ADAR: variants seen among roughly 807,000 people sequenced by gnomAD.
The protein encoded by ADAR is adenosine deaminase RNA specific, also known as double-stranded RNA-specific adenosine deaminase.
In ADAR, 41 loss-of-function variants were observed where a neutral mutation model predicts 113.2. That is an observed-to-expected ratio of 0.36 (90% confidence interval 0.28 to 0.47). The LOEUF (loss-of-function observed/expected upper bound fraction) is 0.47. Ranked by LOEUF, ADAR falls within the 20% of genes least tolerant of loss-of-function variation. The pLI, the probability that ADAR is intolerant of heterozygous loss-of-function variation, is 1.00. For missense variants in ADAR, 1,242 were observed against 1,540.9 expected (o/e 0.81, Z 3.25); for synonymous variants, 605 against 572.6 (o/e 1.06, Z -0.81).
chr1:154,620,235 C>T (rs908719773), intron 1 of ADAR, among the ~76,000 whole-genome samples: 2 of 152,076 alleles, frequency 1.3e-5, no homozygotes, highest in African/African-American at 2.4e-5. Flanking sequence ...GATGAAACTC[C>T]GTCTCTATTA....
intron 11 of ADAR, among the ~76,000 whole-genome samples, chr1:154,586,758 G>T (rs1482738989): frequency 6.6e-6 from 1 of 152,164 alleles, no homozygotes; most frequent in African/African-American, 2.4e-5. Flanking sequence ...GACAGCTGGA[G>T]TAAGTGTTTC....
intron 3 of ADAR, 67 bp from the exon 4 acceptor site, chr1:154,598,043 A>C (rs898109397): frequency 1.9e-6 from 3 of 1,546,746 alleles, no homozygotes; most frequent in East Asian, 4.7e-5. Context: ...TCACAGAAGA[A>C]GGGATGGGGA....
At chr1:154,615,146 C>T (rs943785854) in intron 1 of ADAR, among the ~76,000 whole-genome samples, 2 of 152,210 alleles carry the variant, frequency 1.3e-5, no homozygotes, top group Non-Finnish European at 2.9e-5. Context: ...CCCAGTGATA[C>T]TGATTTCAGA....
chr1:154,598,595 A>C lies in ADAR; in HGVS notation c.1602-10T>G. 6.2e-7 allele frequency: 1 copy of C among 1,613,980 alleles called. No homozygotes were observed. Among genetic ancestry groups the C allele is most frequent in the Non-Finnish European group, 8.5e-7 (1 of 1,179,858 alleles). ...AACCTGGAATTTAAATCTTGACGGA[A>C]AGTGATTAGATGTGTGAACAGGAGT... On this transcript the variant is annotated splice_polypyrimidine_tract_variant and intron_variant, in intron 2 of 14. Transcript: ENST00000368474.
rs766724113 is a variant in ADAR, at chr1:154,601,729, C to A, written c.913G>T (p.Asp305Tyr). Residue 305 changes from aspartate (D) to tyrosine (Y), a missense_variant, in exon 2 of 15, where the codon GAC becomes TAC. Asp to Tyr is a radical substitution (Grantham distance 160). This residue lies in a region of ADAR where 462 missense variants were observed against 483.1 expected (regional missense o/e 0.96). Coordinates refer to ENST00000368474, the MANE Select transcript of ADAR (RefSeq NM_001111.5). The surrounding 1 kb of genome is among the most constrained non-coding windows in gnomAD (Gnocchi z 4.7). ...DMAEIKEKIC[D>Y]YLFNVSDSSA... The stretch of plus-strand genomic sequence containing the variant: ...GAGTCAGACACATTGAAGAGATAGT[C>A]GCAGATTTTCTCCTTGATCTCGGCC... 6.2e-7 allele frequency: 1 copy of A among 1,614,184 alleles called. No homozygotes were observed. The highest frequency in any genetic ancestry group is 8.5e-7 in the Non-Finnish European group (1 of 1,180,042).
Position 154,600,971 on chromosome 1 carries a change from A to C in ADAR, c.1601+70T>G. On this transcript the variant is annotated intron_variant, in intron 2 of 14. Transcript: ENST00000368474. ...CACCAAACAGCACTGCTCACAAATCAGCCAAGACTGCGTCAGGAGCAAAAG... is the reference window on the plus strand; with the variant it reads ...CACCAAACAGCACTGCTCACAAATCCGCCAAGACTGCGTCAGGAGCAAAAG... 21 of 1,602,800 alleles carry C rather than the reference A, an allele frequency of 1.3e-5. No homozygotes were observed. In the South Asian group the frequency reaches 2.3e-4, roughly 18 times the overall value.
At chr1:154,615,581 A>G (rs549276070) in intron 1 of ADAR, among the ~76,000 whole-genome samples, 1 of 151,888 alleles carries the variant, frequency 6.6e-6, no homozygotes, top group East Asian at 1.9e-4. Flanking sequence ...GGCTAATTAA[A>G]AAAATTTTTT....
intron 6 of ADAR, among the ~76,000 whole-genome samples, chr1:154,593,603 A>G (rs899645789): frequency 6.6e-6 from 1 of 152,208 alleles, no homozygotes; most frequent in African/African-American, 2.4e-5. Context: ...AAAGATAAGG[A>G]GGTGCTTATT....
At chr1:154,606,308 A>AG (rs1481223799) in intron 1 of ADAR, among the ~76,000 whole-genome samples, 28 of 152,224 alleles carry the variant, frequency 1.8e-4, no homozygotes, top group African/African-American at 6.8e-4. Flanking sequence ...CTGGGATTAC[A>AG]GGCATGAGCT....
rs1302098873 is a variant in ADAR at position 154,584,918 on chromosome 1, C to T, written c.3569G>A (p.Arg1190His). ...LSYGEAKKAARDYETAKNYFK... is the reference protein window; with the variant it reads ...LSYGEAKKAAHDYETAKNYFK... ...GTAGTTCTTGGCCGTCTCGTAGTCA[C>T]GGGCAGCTTTCTTGGCCTCACCATA... Residue 1190 changes from arginine to histidine, a missense_variant, in exon 15 of 15, where the codon CGT becomes CAT. Transcript: ENST00000368474. 7.4e-6 allele frequency: 12 copies of T among 1,614,164 alleles called. No individual in the cohort carries two copies. The highest frequency in any genetic ancestry group is 6.8e-6 in the Non-Finnish European group (8 of 1,180,040).
At chr1:154,586,618 C>A (rs1484107031) in intron 11 of ADAR, among the ~76,000 whole-genome samples, 5 of 152,160 alleles carry the variant, frequency 3.3e-5, no homozygotes, top group Non-Finnish European at 7.3e-5. Context: ...GACACTAAAC[C>A]AGTAGCCAGT....
At chr1:154,615,689 C>G (rs1698616298) in intron 1 of ADAR, among the ~76,000 whole-genome samples, 1 of 152,230 alleles carries the variant, frequency 6.6e-6, no homozygotes, top group African/African-American at 2.4e-5. Flanking sequence ...GCTGGAATTA[C>G]AGGCGTGAGC....
chr1:154,620,939 G>A (rs1238468532), intron 1 of ADAR, among the ~76,000 whole-genome samples: 2 of 152,174 alleles, frequency 1.3e-5, no homozygotes, highest in African/African-American at 4.8e-5. Context: ...TGTCATCTTG[G>A]CTACATGCTG....
intron 6 of ADAR, among the ~76,000 whole-genome samples, chr1:154,591,118 T>G (rs1697119038): frequency 6.6e-6 from 1 of 152,174 alleles, no homozygotes; most frequent in Admixed American, 6.5e-5. Context: ...AAACAGAATA[T>G]GATAAAATCA....
chr1:154,626,802 T>A (rs1396129512), intron 1 of ADAR, among the ~76,000 whole-genome samples: 2 of 152,224 alleles, frequency 1.3e-5, no homozygotes, highest in African/African-American at 4.8e-5. Flanking sequence ...AAAGTTCATG[T>A]CCCCTTTCCA....
chr1:154,596,653 TGTC>T (rs747391354), intron 6 of ADAR, 149 bp downstream of exon 6: 119 of 805,526 alleles, frequency 1.5e-4, no homozygotes, highest in Middle Eastern at 3.4e-4. Flanking sequence ...GCAGGTCTAT[TGTC>T]TTCTAAGAGG....
At position 154,584,461 on chromosome 1, in the gene ADAR, A is replaced by T; in HGVS notation, c.*345T>A. The T allele has an allele frequency of 3.4e-6, 1 of 290,130 alleles. No homozygotes were observed. The highest frequency in any genetic ancestry group is 6.5e-6 in the Non-Finnish European group (1 of 153,344). 18.0% of individuals were successfully genotyped at this position (290,130 alleles called of 1,614,324 possible). On this transcript the variant is annotated 3_prime_UTR_variant, in exon 15 of 15. Coordinates refer to ENST00000368474, the MANE Select transcript of ADAR (RefSeq NM_001111.5). ...ACCGCAAGAGGTCAGTGTAGCAAAC[A>T]CAAAGGGAAAGGAAATGGAAACAAA...
intron 2 of ADAR, chr1:154,600,542 C>G (rs754271280): frequency 5.2e-6 from 1 of 193,326 alleles, no homozygotes; most frequent in Non-Finnish European, 1.1e-5. Flanking sequence ...GGCGCAATCT[C>G]AGTTCACTGC....
At chr1:154,614,324 T>C (rs1364523919) in intron 1 of ADAR, among the ~76,000 whole-genome samples, 1 of 152,232 alleles carries the variant, frequency 6.6e-6, no homozygotes, top group Non-Finnish European at 1.5e-5. Flanking sequence ...TGACTCTGGC[T>C]AGCACAGAGG....
Sources: gnomAD v4.1 joint callset for allele counts (sites outside exome capture counted in the v4.1 genomes callset) on GRCh38, gnomAD v4.1.1 for gene constraint, gnomAD v4.1.1 regional missense constraint, Gnocchi (gnomAD v3.1) non-coding constraint, MANE v1.5 for transcripts, NCBI Gene and HGNC (gene_info 2026-07-23, HGNC 2026-07-21) for gene names.